The following UNC5D variants were observed in gnomAD, a reference collection of about 807,000 sequenced individuals.
The protein encoded by UNC5D is netrin receptor UNC5D.
In UNC5D, 39 loss-of-function variants were observed where a neutral mutation model predicts 105.4. The observed-to-expected ratio is 0.37, with a 90% CI of 0.29 to 0.48. The LOEUF (loss-of-function observed/expected upper bound fraction) is 0.48, where lower values mean the gene tolerates loss of function less well. UNC5D is among the 20% of genes least tolerant of loss of function. UNC5D has a pLI of 0.98. For missense variants in UNC5D, 991 were observed against 1,202.4 expected, an observed-to-expected ratio of 0.82 and a Z score of 2.60; for synonymous variants, 452 against 450.4, an observed-to-expected ratio of 1.00 and a Z score of -0.04.
At chr8:35,553,446 A>G (rs182557115) in intron 2 of UNC5D, among the ~76,000 whole-genome samples, 6 of 152,298 alleles carry the variant, frequency 3.9e-5, no homozygotes, top group Middle Eastern at 3.4e-3. Context: ...AGTATATTAT[A>G]TACCGATTTT....
chr8:35,506,542 A>G (rs1409214043), intron 1 of UNC5D, among the ~76,000 whole-genome samples: 1 of 152,234 alleles, frequency 6.6e-6, no homozygotes, highest in African/African-American at 2.4e-5. Context: ...GTCAGAGACA[A>G]AGAATTTGAG....
chr8:35,639,305 G>T (rs1270698008), intron 4 of UNC5D, among the ~76,000 whole-genome samples: 1 of 152,140 alleles, frequency 6.6e-6, no homozygotes, highest in Non-Finnish European at 1.5e-5. Context: ...TGATTTATTT[G>T]CTCATATTGA....
chr8:35,630,202 G>A (rs1821951648), intron 4 of UNC5D, among the ~76,000 whole-genome samples: 1 of 152,186 alleles, frequency 6.6e-6, no homozygotes, highest in Non-Finnish European at 1.5e-5. Context: ...GAAATGTTAT[G>A]ATGATAGTGG....
intron 16 of UNC5D, among the ~76,000 whole-genome samples, chr8:35,782,331 A>T (rs1802538362): frequency 6.6e-6 from 1 of 152,176 alleles, no homozygotes; most frequent in Non-Finnish European, 1.5e-5. Flanking sequence ...GCCTTCATTA[A>T]ATTAGACAAT....
At chr8:35,401,872 G>T (rs923924211) in intron 1 of UNC5D, among the ~76,000 whole-genome samples, 2 of 152,196 alleles carry the variant, frequency 1.3e-5, no homozygotes, top group African/African-American at 4.8e-5. Context: ...GCATTATCCT[G>T]TGAAAATACT....
intron 4 of UNC5D, among the ~76,000 whole-genome samples, chr8:35,641,036 G>A (rs1822678696): frequency 6.6e-6 from 1 of 151,796 alleles, no homozygotes; most frequent in Non-Finnish European, 1.5e-5. Flanking sequence ...TTAGAGATAA[G>A]AAATTCGATT....
At chr8:35,690,032 T>C (rs1013024016) in intron 7 of UNC5D, among the ~76,000 whole-genome samples, 1 of 152,210 alleles carries the variant, frequency 6.6e-6, no homozygotes, top group African/African-American at 2.4e-5. Context: ...CCCCCATGAG[T>C]TGAAAATGCT....
rs1473357833 is a variant in UNC5D, at chr8:35,726,096, G to T, written c.1304-56G>T. 9 of 1,557,708 alleles carry T rather than the reference G, an allele frequency of 5.8e-6. No individual in the cohort carries two copies. The East Asian group carries it at 1.6e-4, about 27-fold the overall frequency. On this transcript the variant is annotated intron_variant, in intron 9 of 16. Coordinates refer to ENST00000404895, the MANE Select transcript of UNC5D (RefSeq NM_080872.4). ...CGCAGTTTGCAGAGGCAGAAGTACAGGAGTAACTGAGATGCCTTTTAGTTT... is the reference window on the plus strand; with the variant it reads ...CGCAGTTTGCAGAGGCAGAAGTACATGAGTAACTGAGATGCCTTTTAGTTT...
At chr8:35,749,276 A>G (rs1830149173) in intron 12 of UNC5D, among the ~76,000 whole-genome samples, 1 of 152,348 alleles carries the variant, frequency 6.6e-6, no homozygotes, top group African/African-American at 2.4e-5. Flanking sequence ...AGGATACATA[A>G]TAAGACATTA....
Position 35,324,233 on chromosome 8 carries a change from C to CAAAAAAAAAAAAAA in UNC5D, c.103+88354_103+88367dup, listed in dbSNP as rs569409228. On this transcript the variant is annotated intron_variant, in intron 1 of 16. Coordinates refer to ENST00000404895, the MANE Select transcript of UNC5D (RefSeq NM_080872.4). ...AGGCAACAGAGCAAGACCCTGTCTCCAAAAAAAAAAAAAAAAAAAAAGTGA... is the reference window on the plus strand; with the variant it reads ...AGGCAACAGAGCAAGACCCTGTCTCCAAAAAAAAAAAAAAAAAAAAAAAAAAAAAAAAAAAGTGA... 1.8e-4 allele frequency among the ~76,000 whole-genome samples: 11 copies of CAAAAAAAAAAAAAA among 62,794 alleles called. 1 individual carries two copies. Among genetic ancestry groups the CAAAAAAAAAAAAAA allele is most frequent in the African/African-American group, 3.8e-4 (6 of 15,602 alleles). The allele number at this position is 62,794 out of a possible 152,430, so 41.2% of individuals were successfully genotyped here.
intron 1 of UNC5D, among the ~76,000 whole-genome samples, chr8:35,247,159 T>C (rs1362323861): frequency 1.3e-5 from 2 of 152,066 alleles, no homozygotes; most frequent in Non-Finnish European, 1.5e-5. Context: ...ACAAAGGAAT[T>C]CAAAAGAATG....
At chr8:35,323,278 G>T (rs1284928299) in intron 1 of UNC5D, among the ~76,000 whole-genome samples, 1 of 148,484 alleles carries the variant, frequency 6.7e-6, no homozygotes, top group African/African-American at 2.5e-5. Context: ...AAAGTAATCA[G>T]GATTAAGCTT....
intron 1 of UNC5D, among the ~76,000 whole-genome samples, chr8:35,547,086 T>C (rs1815742743): frequency 6.6e-6 from 1 of 152,150 alleles, no homozygotes; most frequent in Admixed American, 6.5e-5. Flanking sequence ...AAAATCTTAT[T>C]TGGAAGAATC....
chr8:35,746,693 A>G (rs2131626826), intron 11 of UNC5D, among the ~76,000 whole-genome samples: 1 of 152,322 alleles, frequency 6.6e-6, no homozygotes, highest in Admixed American at 6.5e-5. Context: ...TTGGCATTAA[A>G]TAATTCCCCA....
At chr8:35,713,947 C>T (rs558709374) in intron 8 of UNC5D, among the ~76,000 whole-genome samples, 11 of 152,194 alleles carry the variant, frequency 7.2e-5, no homozygotes, top group Non-Finnish European at 1.3e-4. Context: ...AAGAAGTCCA[C>T]CCAGAGTGGA....
At chr8:35,415,697 A>C (rs1370077061) in intron 1 of UNC5D, among the ~76,000 whole-genome samples, 2 of 152,070 alleles carry the variant, frequency 1.3e-5, no homozygotes, top group Non-Finnish European at 2.9e-5. Flanking sequence ...TACTTTCCTG[A>C]CTTTTGTGTT....
At chr8:35,525,329 TG>T in intron 1 of UNC5D, 1 of 1,612,190 alleles carries the variant, frequency 6.2e-7, no homozygotes, top group South Asian at 1.1e-5. Context: ...CCACTTGATA[TG>T]GGGGTGTAAT....
chr8:35,762,520 T>C (rs1476727532), intron 14 of UNC5D, among the ~76,000 whole-genome samples: 1 of 152,152 alleles, frequency 6.6e-6, no homozygotes, highest in African/African-American at 2.4e-5. Flanking sequence ...AAGTAAACAA[T>C]TCATTATTTC....
intron 1 of UNC5D, among the ~76,000 whole-genome samples, chr8:35,324,233 C>CAAAAGAAAA (rs1809973183): frequency 3.2e-5 from 2 of 62,802 alleles, no homozygotes; most frequent in Admixed American, 2.2e-4. Context: ...ACCCTGTCTC[C>CAAAAGAAAA]AAAAAAAAAA....
Sources: gnomAD v4.1 joint callset for allele counts (sites outside exome capture counted in the v4.1 genomes callset) on GRCh38, gnomAD v4.1.1 for gene constraint, MANE v1.5 for transcripts, NCBI Gene and HGNC (gene_info 2026-07-23, HGNC 2026-07-21) for gene names.